Variants in ADAMTS12 observed in about 807,000 individuals in gnomAD.
ADAMTS12 encodes ADAM metallopeptidase with thrombospondin type 1 motif 12, also known as A disintegrin and metalloproteinase with thrombospondin motifs 12.
A neutral mutation model predicts 167.8 loss-of-function variants in ADAMTS12; 118 were observed. The ratio of observed to expected loss-of-function variants is 0.70; its 90% confidence interval spans 0.61 to 0.82. The LOEUF is 0.82. Among genes scored for constraint, ADAMTS12 ranks in the 40% least tolerant of loss-of-function variants. ADAMTS12 has a pLI of 0.00. For missense variants in ADAMTS12, 1,916 were observed against 1,998.8 expected (o/e 0.96, Z 0.79); for synonymous variants, 704 against 716.9 (o/e 0.98, Z 0.29).
At chr5:33,624,192 T>G in intron 14 of ADAMTS12, 39 bp downstream of exon 14, 1 of 1,612,364 alleles carries the variant, frequency 6.2e-7, no homozygotes, top group Non-Finnish European at 8.5e-7. Context: ...CCCCCCACCT[T>G]TGGTCCCCTG....
chr5:33,754,741 A>G (rs969131539), intron 2 of ADAMTS12, among the ~76,000 whole-genome samples: 4 of 152,130 alleles, frequency 2.6e-5, no homozygotes, highest in Non-Finnish European at 5.9e-5. Context: ...CTGTAATCCC[A>G]GCTACTTGGG....
chr5:33,700,693 T>C (rs949841239), intron 3 of ADAMTS12, among the ~76,000 whole-genome samples: 6 of 152,014 alleles, frequency 3.9e-5, no homozygotes, highest in African/African-American at 1.2e-4. Flanking sequence ...ACAAGTAAAA[T>C]TGGGGAAATC....
intron 2 of ADAMTS12, among the ~76,000 whole-genome samples, chr5:33,788,287 CTTTT>C (rs202227205): frequency 4.0e-5 from 6 of 151,144 alleles, no homozygotes; most frequent in Non-Finnish European, 8.9e-5. Flanking sequence ...TTCTCTCTCT[CTTTT>C]TTTTTGCCTG....
At position 33,637,605 on chromosome 5, in the gene ADAMTS12, G is replaced by A; in HGVS notation, c.1860C>T (p.Leu620=). The A allele has an allele frequency of 6.2e-7, 1 of 1,613,492 alleles. No homozygotes were observed. The highest frequency in any genetic ancestry group is 8.5e-7 in the Non-Finnish European group (1 of 1,179,548). ...GGTTAAAAATGGGAAACCAGTGGTA[G>A]AGTTCATTCTTGTAGGGAACAGTGT... The part of the protein sequence containing the change: ...EFDTVPYKNE[L]YHWFPIFNPA... The change falls in exon 12 of 24, where the codon CTC becomes CTT. Residue 620 remains leucine, a synonymous_variant. Transcript: ENST00000504830.
intron 1 of ADAMTS12, among the ~76,000 whole-genome samples, chr5:33,888,924 C>T (rs1212155507): frequency 6.6e-6 from 1 of 152,088 alleles, no homozygotes; most frequent in Non-Finnish European, 1.5e-5. Flanking sequence ...GTTTCTAGTC[C>T]CAGAAAGGAC....
chr5:33,773,544 G>T (rs1412010839), intron 2 of ADAMTS12, among the ~76,000 whole-genome samples: 1 of 152,110 alleles, frequency 6.6e-6, no homozygotes, highest in Admixed American at 6.5e-5. Context: ...TGACAAACTA[G>T]GGTCTGTTTC....
At position 33,527,244 on chromosome 5, in the gene ADAMTS12, T is replaced by G; in HGVS notation, c.4729A>C (p.Thr1577Pro). The G allele has an allele frequency of 6.2e-7, 1 of 1,614,032 alleles. No individual in the cohort carries two copies. The change falls in exon 24 of 24, where the codon ACA becomes CCA. Residue 1577 changes from threonine (T) to proline (P), a missense_variant. Physicochemically the swap from Thr to Pro is conservative, Grantham distance 38. Coordinates refer to ENST00000504830, the MANE Select transcript of ADAMTS12 (RefSeq NM_030955.4). ...TGCCTTCTTTGCCTTTGGGTGTGTG[T>G]GATGTGTGTCTGGGGACACGAGAAG... The part of the protein sequence containing the change: ...CCFSCPQTHI[T>P]HTQRQRRQRL...
intron 3 of ADAMTS12, among the ~76,000 whole-genome samples, chr5:33,723,705 A>T (rs1166690524): frequency 6.6e-6 from 1 of 152,198 alleles, no homozygotes; most frequent in Non-Finnish European, 1.5e-5. Context: ...AAGCAGAGGT[A>T]CTTGGTACTC....
At chr5:33,880,447 G>C (rs552614107) in intron 2 of ADAMTS12, among the ~76,000 whole-genome samples, 1 of 152,326 alleles carries the variant, frequency 6.6e-6, no homozygotes, top group South Asian at 2.1e-4. Context: ...ACTCAGCTCT[G>C]TTGTTGCAGT....
intron 3 of ADAMTS12, among the ~76,000 whole-genome samples, chr5:33,693,599 T>G (rs1272479957): frequency 6.6e-6 from 1 of 152,198 alleles, no homozygotes; most frequent in African/African-American, 2.4e-5. Flanking sequence ...CAGAGAAGGC[T>G]TTTGATAAAA....
intron 19 of ADAMTS12, among the ~76,000 whole-genome samples, chr5:33,575,757 A>G (rs568440615): frequency 6.6e-6 from 1 of 152,334 alleles, no homozygotes; most frequent in East Asian, 1.9e-4. Flanking sequence ...GATATACACA[A>G]CATCCTTCAG....
intron 5 of ADAMTS12, 53 bp from the exon 6 acceptor site, chr5:33,662,093 AC>A: frequency 6.3e-7 from 1 of 1,590,644 alleles, no homozygotes; most frequent in Non-Finnish European, 8.5e-7. Context: ...GTGGTCAGGG[AC>A]CATTGCATTA....
intron 3 of ADAMTS12, among the ~76,000 whole-genome samples, chr5:33,749,503 T>C (rs938499486): frequency 3.2e-4 from 48 of 152,062 alleles, no homozygotes; most frequent in African/African-American, 1.1e-3. Context: ...ACTAAGCAGG[T>C]GTAAGAGAGT....
At chr5:33,779,235 G>A (rs1746027391) in intron 2 of ADAMTS12, among the ~76,000 whole-genome samples, 1 of 149,418 alleles carries the variant, frequency 6.7e-6, no homozygotes, top group Non-Finnish European at 1.5e-5. Context: ...GCCCAGGCTG[G>A]AGTGCAGTGG....
intron 18 of ADAMTS12, among the ~76,000 whole-genome samples, chr5:33,586,435 A>G (rs1260102265): frequency 6.6e-6 from 1 of 152,230 alleles, no homozygotes; most frequent in African/African-American, 2.4e-5. Flanking sequence ...TGGAAGCTAG[A>G]AACTGTCCAT....
intron 17 of ADAMTS12, among the ~76,000 whole-genome samples, chr5:33,591,269 A>G (rs1399803375): frequency 6.6e-6 from 1 of 152,136 alleles, no homozygotes; most frequent in African/African-American, 2.4e-5. Flanking sequence ...CCCTTCTTTT[A>G]TCAGTAGCTT....
At chr5:33,731,845 T>C (rs1052113995) in intron 3 of ADAMTS12, among the ~76,000 whole-genome samples, 3 of 152,162 alleles carry the variant, frequency 2.0e-5, no homozygotes, top group African/African-American at 7.2e-5. Flanking sequence ...GACAAGACTA[T>C]AAATTATTCC....
At chr5:33,607,216 C>CCAATG (rs148668371) in intron 16 of ADAMTS12, among the ~76,000 whole-genome samples, 35,043 of 151,162 alleles carry the variant, frequency 0.23, 5,374 homozygotes, top group Non-Finnish European at 0.34. Context: ...TGTGACAGGC[C>CCAATG]CAATGCAATG....
intron 3 of ADAMTS12, among the ~76,000 whole-genome samples, chr5:33,692,700 A>T (rs28409078): frequency 0.18 from 27,352 of 152,090 alleles, 2,582 homozygotes; most frequent in East Asian, 0.25. Context: ...TCTCCAAGTG[A>T]CAGCATTCAA....
Sources: gnomAD v4.1 joint callset for allele counts (sites outside exome capture counted in the v4.1 genomes callset) on GRCh38, gnomAD v4.1.1 for gene constraint, MANE v1.5 for transcripts, NCBI Gene and HGNC (gene_info 2026-07-23, HGNC 2026-07-21) for gene names.